The following NCAPD3 variants were observed in gnomAD, a reference collection of about 807,000 sequenced individuals.
NCAPD3 encodes the protein condensin-2 complex subunit D3.
NCAPD3 carries 105 observed loss-of-function variants against 182.9 expected under a neutral mutation model. That is an observed-to-expected ratio of 0.57 (90% CI 0.49 to 0.68). The LOEUF is 0.68. Ranked by LOEUF, NCAPD3 falls within the 30% of genes least tolerant of loss-of-function variation. The pLI, the probability that NCAPD3 is intolerant of heterozygous loss-of-function variation, is 0.00. For missense variants in NCAPD3, 1,944 were observed against 1,837.0 expected (o/e 1.06, Z -1.07); for synonymous variants, 815 against 679.9 (o/e 1.20, Z -3.09).
chr11:134,198,117 G>C (rs1944675190), intron 13 of NCAPD3, among the ~76,000 whole-genome samples: 1 of 152,178 alleles, frequency 6.6e-6, no homozygotes, highest in Non-Finnish European at 1.5e-5. Flanking sequence ...GACTGGTTCA[G>C]ACCATGACGG....
Position 134,151,318 on chromosome 11 carries a change from A to AT in NCAPD3, c.*1625dup, listed in dbSNP as rs1436213216. ...CTCAGTGCTCCCTGGTGTCTGCTGCATGGCATCCTGGATGCTTAGCATGCA... is the reference window on the plus strand; with the variant it reads ...CTCAGTGCTCCCTGGTGTCTGCTGCATTGGCATCCTGGATGCTTAGCATGCA... On this transcript the variant is annotated 3_prime_UTR_variant, in exon 35 of 35. Transcript: ENST00000534548. 13 of 152,206 alleles carry AT rather than the reference A, an allele frequency of 8.5e-5. No individual in the cohort carries two copies. The highest frequency in any genetic ancestry group is 3.1e-4 in the African/African-American group (13 of 41,434). 9.4% of individuals were successfully genotyped at this position (152,206 alleles called of 1,614,324 possible).
chr11:134,184,512 A>T (rs369241412), intron 19 of NCAPD3, 125 bp downstream of exon 19: 7 of 639,154 alleles, frequency 1.1e-5, no homozygotes, highest in East Asian at 8.7e-5. Flanking sequence ...TTGCGGCAAT[A>T]GCTGCGGGGG....
intron 13 of NCAPD3, among the ~76,000 whole-genome samples, chr11:134,199,830 C>T (rs945017925): frequency 6.6e-5 from 10 of 152,266 alleles, no homozygotes; most frequent in African/African-American, 1.9e-4. Context: ...CCCTCTCCTA[C>T]GCTAGAACGC....
chr11:134,173,895 A>C (rs1944088575), intron 24 of NCAPD3, among the ~76,000 whole-genome samples: 1 of 151,698 alleles, frequency 6.6e-6, no homozygotes, highest in Non-Finnish European at 1.5e-5. Flanking sequence ...AGGGAGTCGG[A>C]GGCTGCAGTG....
chr11:134,181,001 T>A, intron 20 of NCAPD3, 76 bp downstream of exon 20: 1 of 1,104,068 alleles, frequency 9.1e-7, no homozygotes, highest in East Asian at 2.4e-5. Context: ...AAAGCGTACA[T>A]GACAAAGTCA....
intron 6 of NCAPD3, 84 bp from the exon 7 acceptor site, chr11:134,209,035 A>G (rs1202579520): frequency 6.9e-7 from 1 of 1,454,290 alleles, no homozygotes; most frequent in African/African-American, 1.4e-5. Flanking sequence ...GTTTAAATGA[A>G]TAAATTCTAC....
rs1230943683 is a variant in NCAPD3 at position 134,153,311 on chromosome 11, T to C, written c.4305A>G (p.Pro1435=). ...TGCCTTTGGCTGACGACGGAGTCCG[T>C]GGTGTCCCGATGTAACTGACCCCTG... ...FGAGVSYIGT[P]RTPSSAKEKI... The change falls in exon 33 of 35, where the codon CCA becomes CCG. Residue 1435 remains proline (P), a synonymous_variant. Coordinates refer to ENST00000534548, the MANE Select transcript of NCAPD3 (RefSeq NM_015261.3). 6.2e-7 allele frequency: 1 copy of C among 1,614,060 alleles called. No homozygotes were observed. Among genetic ancestry groups the C allele is most frequent in the Non-Finnish European group, 8.5e-7 (1 of 1,180,032 alleles).
chr11:134,209,485 A>T lies in NCAPD3; in HGVS notation c.568-8T>A. On this transcript the variant is annotated splice_region_variant and splice_polypyrimidine_tract_variant and intron_variant, in intron 4 of 34. Transcript: ENST00000534548. ...TTCTATAATTTCATCCATCTAGATT[A>T]TGAAGAAATGTACAGGTGACTGTAA... is the stretch of plus-strand genomic sequence containing the variant. 1 of 1,606,464 alleles carries T rather than the reference A, an allele frequency of 6.2e-7. No individual in the cohort carries two copies. The highest frequency in any genetic ancestry group is 1.3e-5 in the African/African-American group (1 of 74,602).
In NCAPD3 at chr11:134,194,758, G is replaced by C; in HGVS notation, c.1616-20C>G. ...ATCTTTCTGTAGAGGGAATACCAAA[G>C]GGTCATCACAGCTGGAGAAAAGTCA... On this transcript the variant is annotated intron_variant, in intron 13 of 34. Coordinates refer to ENST00000534548, the MANE Select transcript of NCAPD3 (RefSeq NM_015261.3). 6.4e-7 allele frequency: 1 copy of C among 1,557,674 alleles called. No homozygotes were observed. The highest frequency in any genetic ancestry group is 8.7e-7 in the Non-Finnish European group (1 of 1,142,948).
intron 2 of NCAPD3, 27 bp downstream of exon 2, chr11:134,220,545 T>G (rs1056687133): frequency 1.3e-6 from 2 of 1,592,852 alleles, no homozygotes; most frequent in Non-Finnish European, 1.7e-6. Flanking sequence ...ACACCAAACT[T>G]TGGCTAGTTT....
At chr11:134,214,386 G>A (rs1252870776) in intron 3 of NCAPD3, among the ~76,000 whole-genome samples, 1 of 152,110 alleles carries the variant, frequency 6.6e-6, no homozygotes, top group Non-Finnish European at 1.5e-5. Flanking sequence ...ACATATCATC[G>A]AAATTTGTGG....
Position 134,210,396 on chromosome 11 carries a change from TAG to T in NCAPD3, c.439_440del (p.Leu147LysfsTer9). The T allele has an allele frequency of 6.2e-7, 1 of 1,614,216 alleles. No homozygotes were observed. Among genetic ancestry groups the T allele is most frequent in the South Asian group, 1.1e-5 (1 of 91,084 alleles). On this transcript the variant is annotated frameshift_variant, in exon 4 of 35. Transcript: ENST00000534548. LOFTEE classifies it high-confidence loss of function. ...TAGATTCCTGGGGCCAGCTCTTCTT[TAG>T]AGTCTGAATGCATTTGTCAAACATC... Reference protein sequence around the residue: ...PVMFDKCIQTLKKSWPQESNL... With the variant: ...PVMFDKCIQTXKKSWPQESNL...
chr11:134,185,841 T>G (rs1944392869), intron 16 of NCAPD3: 1 of 191,390 alleles, frequency 5.2e-6, no homozygotes, highest in Non-Finnish European at 1.1e-5. Context: ...CATAACTGCA[T>G]GGGGTCAGTT....
intron 1 of NCAPD3, chr11:134,223,437 T>C (rs1199313389): frequency 8.5e-6 from 6 of 702,402 alleles, no homozygotes; most frequent in Non-Finnish European, 1.6e-5. Context: ...CCATTTTCAC[T>C]CATGTGACGT....
At chr11:134,217,894 T>A (rs1025648275) in intron 2 of NCAPD3, among the ~76,000 whole-genome samples, 1 of 150,966 alleles carries the variant, frequency 6.6e-6, no homozygotes, top group Admixed American at 6.6e-5. Flanking sequence ...AGCCCAGGAG[T>A]TTGAGAACAG....
intron 19 of NCAPD3, chr11:134,182,878 C>T (rs1265465656): frequency 3.5e-6 from 1 of 285,774 alleles, no homozygotes; most frequent in South Asian, 3.0e-5. Context: ...TGAAAATATC[C>T]TAACATTCCA....
intron 13 of NCAPD3, among the ~76,000 whole-genome samples, chr11:134,196,930 C>T (rs1386916413): frequency 6.6e-6 from 1 of 152,120 alleles, no homozygotes; most frequent in Admixed American, 6.5e-5. Flanking sequence ...TTGTCCCCAC[C>T]CAAACCTCAT....
chr11:134,162,358 GCT>G (rs1943607371), intron 27 of NCAPD3, among the ~76,000 whole-genome samples: 1 of 152,140 alleles, frequency 6.6e-6, no homozygotes, highest in Non-Finnish European at 1.5e-5. Flanking sequence ...AAGACAGCCA[GCT>G]CTGTCTCTCT....
chr11:134,221,468 G>A (rs1373800032), intron 1 of NCAPD3, among the ~76,000 whole-genome samples: 3 of 151,402 alleles, frequency 2.0e-5, no homozygotes, highest in Non-Finnish European at 4.4e-5. Context: ...GTGGTTTGCT[G>A]TACCCATCAA....
Sources: gnomAD v4.1 joint callset for allele counts (sites outside exome capture counted in the v4.1 genomes callset) on GRCh38, gnomAD v4.1.1 for gene constraint, MANE v1.5 for transcripts, NCBI Gene and HGNC (gene_info 2026-07-23, HGNC 2026-07-21) for gene names.